The following TENM1 variants were observed in gnomAD, a reference collection of about 807,000 sequenced individuals.
The protein encoded by TENM1 is teneurin transmembrane protein 1, also known as teneurin-1.
TENM1 carries 35 observed loss-of-function variants against 174.8 expected under a neutral mutation model. The ratio of observed to expected loss-of-function variants is 0.20; its 90% CI spans 0.15 to 0.27. The LOEUF (loss-of-function observed/expected upper bound fraction) is 0.27. Among genes scored for constraint, TENM1 ranks in the 10% least tolerant of loss-of-function variants. The probability of loss-of-function intolerance (pLI) is 1.00; values close to 1 mark genes in which losing one functional copy is unlikely to be tolerated. For synonymous variants in TENM1, 781 were observed against 798.7 expected (o/e 0.98, Z 0.37); for missense variants, 1,633 against 2,130.1 (o/e 0.77, Z 4.59).
intron 3 of TENM1, among the ~76,000 whole-genome samples, chrX:124,845,473 G>C (rs1276346969): frequency 9.0e-6 from 1 of 111,703 alleles, no homozygotes; most frequent in Non-Finnish European, 1.9e-5. Context: ...GGGCTTTTAG[G>C]TTGTGTAAAT....
chrX:124,643,886 A>AT (rs974757041), intron 10 of TENM1, among the ~76,000 whole-genome samples: 14 of 107,958 alleles, frequency 1.3e-4, no homozygotes, highest in Non-Finnish European at 1.7e-4. Context: ...ATGTGATAGT[A>AT]TTTTTTTACT....
At chrX:124,498,281 C>T (rs1333357504) in intron 19 of TENM1, among the ~76,000 whole-genome samples, 2 of 111,352 alleles carry the variant, frequency 1.8e-5, no homozygotes, top group African/African-American at 3.3e-5. Flanking sequence ...CCTATTCCTA[C>T]ATTAGTTTAG....
chrX:124,722,521 C>A (rs886406135), intron 4 of TENM1, among the ~76,000 whole-genome samples: 3 of 110,959 alleles, frequency 2.7e-5, no homozygotes, highest in Non-Finnish European at 3.8e-5. Flanking sequence ...TTATTTTAAT[C>A]CTCCTCCCAA....
At chrX:125,064,416 T>C in the TENM1 span, among the ~76,000 whole-genome samples, 1 of 110,337 alleles carries the variant, frequency 9.1e-6, no homozygotes, top group African/African-American at 3.3e-5. Context: ...AAACAATATT[T>C]ATGGCAAAGT....
chrX:125,160,205 GAAAAAAAAAAAAAAGA>G, the TENM1 span, among the ~76,000 whole-genome samples: 1 of 69,169 alleles, frequency 1.4e-5, no homozygotes, highest in South Asian at 7.1e-4. Flanking sequence ...CACCATCAAT[GAAAAAAAAAAAAAAGA>G]AAAAAGAAAA....
chrX:124,553,408 G>A (rs753719550), intron 14 of TENM1, among the ~76,000 whole-genome samples: 1 of 108,114 alleles, frequency 9.2e-6, no homozygotes, highest in South Asian at 4.2e-4. Context: ...ACTGAGGCAG[G>A]AGAATCACTT....
intron 3 of TENM1, among the ~76,000 whole-genome samples, chrX:124,846,068 AAGG>A (rs1249601874): frequency 9.1e-6 from 1 of 110,078 alleles, no homozygotes; most frequent in East Asian, 2.9e-4. Flanking sequence ...GGGTAGTTGG[AAGG>A]AGGTTAGGAA....
At chrX:124,525,048 T>C (rs1428921628) in intron 16 of TENM1, among the ~76,000 whole-genome samples, 1 of 111,897 alleles carries the variant, frequency 8.9e-6, no homozygotes, top group Non-Finnish European at 1.9e-5. Flanking sequence ...TGATAGGGAA[T>C]CAGACTTAAT....
Position 124,582,896 on chromosome X carries a change from T to C in TENM1, c.2078-17336A>G, listed in dbSNP as rs759911768. ...AGGAGATTATATCCCGCACCTGGCT[T>C]CGAGGGTCCTACGCCCACGGAGTCT... On this transcript the variant is annotated intron_variant, in intron 11 of 31. Coordinates refer to ENST00000422452, the Ensembl canonical transcript of TENM1. 9.8e-3 allele frequency among the ~76,000 whole-genome samples: 1,097 copies of C among 112,338 alleles called. 19 individuals are homozygous for C. The highest frequency in any genetic ancestry group is 0.033 in the African/African-American group (1,019 of 30,926).
At chrX:124,629,411 T>G (rs1483617413) in intron 11 of TENM1, among the ~76,000 whole-genome samples, 2 of 112,357 alleles carry the variant, frequency 1.8e-5, no homozygotes, top group Non-Finnish European at 3.8e-5. Flanking sequence ...TGTTTAAAGA[T>G]GAATTTCCTT....
intron 18 of TENM1, among the ~76,000 whole-genome samples, chrX:124,509,292 T>C (rs2047525602): frequency 9.0e-6 from 1 of 110,762 alleles, no homozygotes; most frequent in Non-Finnish European, 1.9e-5. Context: ...CCTTGAGACT[T>C]GGTAGCTATT....
chrX:124,582,868 A>C (rs975553682), intron 11 of TENM1, among the ~76,000 whole-genome samples: 23 of 112,365 alleles, frequency 2.0e-4, no homozygotes, highest in African/African-American at 7.4e-4. Flanking sequence ...AAAACGGCAC[A>C]CCAGGAGATT....
the TENM1 span, among the ~76,000 whole-genome samples, chrX:125,150,055 A>G: frequency 0.023 from 2,561 of 111,123 alleles, 222 homozygotes; most frequent in Admixed American, 0.22. Flanking sequence ...GAGGATCACC[A>G]CCAGCTAAAC....
intron 11 of TENM1, among the ~76,000 whole-genome samples, chrX:124,585,141 A>G (rs2049460934): frequency 9.0e-6 from 1 of 111,025 alleles, no homozygotes; most frequent in African/African-American, 3.3e-5. Context: ...ACAGAAAGTT[A>G]ACAAGCATAC....
the TENM1 span, among the ~76,000 whole-genome samples, chrX:124,983,321 C>T: frequency 3.6e-5 from 4 of 111,697 alleles, no homozygotes; most frequent in Admixed American, 2.9e-4. Flanking sequence ...GCCATTGTTG[C>T]GATCATTAAC....
At chrX:124,877,526 G>T (rs2057227154) in intron 3 of TENM1, among the ~76,000 whole-genome samples, 1 of 111,803 alleles carries the variant, frequency 8.9e-6, no homozygotes, top group South Asian at 3.7e-4. Flanking sequence ...TAATTTGGGG[G>T]TATTTGGAGG....
At chrX:124,434,791 T>G (rs930361571) in intron 23 of TENM1, among the ~76,000 whole-genome samples, 1 of 112,224 alleles carries the variant, frequency 8.9e-6, no homozygotes, top group Non-Finnish European at 1.9e-5. Context: ...GAGAACATAT[T>G]GTACATGATG....
At chrX:124,835,376 T>C (rs2056371297) in intron 3 of TENM1, among the ~76,000 whole-genome samples, 1 of 112,199 alleles carries the variant, frequency 8.9e-6, no homozygotes, top group Non-Finnish European at 1.9e-5. Flanking sequence ...TAGAAATTGT[T>C]TTCCCAGCCT....
the TENM1 span, among the ~76,000 whole-genome samples, chrX:125,083,481 T>C: frequency 2.7e-5 from 3 of 110,118 alleles, no homozygotes; most frequent in Non-Finnish European, 5.7e-5. Flanking sequence ...CTTTCATCCC[T>C]CTACCCAAGA....
Sources: gnomAD v4.1 joint callset for allele counts (sites outside exome capture counted in the v4.1 genomes callset) on GRCh38, gnomAD v4.1.1 for gene constraint, MANE v1.5 for transcripts, NCBI Gene and HGNC (gene_info 2026-07-23, HGNC 2026-07-21) for gene names.